The following EXOC4 variants were observed in gnomAD, a reference collection of about 807,000 sequenced individuals.
The protein encoded by EXOC4 is SEC8-like 1.
In EXOC4, 71 loss-of-function variants were observed where a neutral mutation model predicts 107.2. The ratio of observed to expected loss-of-function variants is 0.66; its 90% confidence interval spans 0.55 to 0.81. The LOEUF is 0.81. Ranked by LOEUF, EXOC4 falls within the 30% of genes least tolerant of loss-of-function variation. EXOC4 has a pLI of 0.00. For missense variants in EXOC4, 1,108 were observed against 1,189.6 expected (o/e 0.93, Z 1.01); for synonymous variants, 456 against 441.2 (o/e 1.03, Z -0.42).
intron 5 of EXOC4, among the ~76,000 whole-genome samples, chr7:133,351,820 A>AGC (rs1795917942): frequency 6.6e-6 from 1 of 151,610 alleles, no homozygotes; most frequent in South Asian, 2.1e-4. Context: ...TATAACTATA[A>AGC]ATTTCTCCTT....
chr7:133,562,115 A>G (rs1415618358), intron 9 of EXOC4, among the ~76,000 whole-genome samples: 2 of 152,220 alleles, frequency 1.3e-5, no homozygotes, highest in African/African-American at 4.8e-5. Context: ...CATTTTGCTT[A>G]AAGTTGAAGT....
At chr7:133,321,888 G>A (rs190799374) in intron 5 of EXOC4, among the ~76,000 whole-genome samples, 64 of 152,234 alleles carry the variant, frequency 4.2e-4, no homozygotes, top group African/African-American at 1.3e-3. Flanking sequence ...AGCATCTGTC[G>A]TTTCCTGACT....
chr7:133,899,693 G>A (rs1163018174), intron 12 of EXOC4, among the ~76,000 whole-genome samples: 1 of 149,522 alleles, frequency 6.7e-6, no homozygotes, highest in Non-Finnish European at 1.5e-5. Flanking sequence ...GCTTGGCAGT[G>A]TCCATCTTAA....
chr7:133,334,571 C>CT (rs1363639582), intron 5 of EXOC4, among the ~76,000 whole-genome samples: 1 of 151,914 alleles, frequency 6.6e-6, no homozygotes, highest in African/African-American at 2.4e-5. Flanking sequence ...TTTTTATACT[C>CT]TAAGTTCAGG....
At position 133,347,286 on chromosome 7, in the gene EXOC4, C is replaced by T. The variant is rs369199555; in HGVS notation, c.764-9044C>T. ...TGAGGCAGAGTTTTGCTCTCTTGCC[C>T]AGGCTAGAGTGCAGTGGTGCGATCT... is the stretch of plus-strand genomic sequence containing the variant. On this transcript the variant is annotated intron_variant, in intron 5 of 17. Coordinates refer to ENST00000253861, the MANE Select transcript of EXOC4 (RefSeq NM_021807.4). 8.6e-5 allele frequency among the ~76,000 whole-genome samples: 13 copies of T among 151,222 alleles called. No homozygotes were observed. In the East Asian group the frequency reaches 2.3e-3, roughly 27 times the overall value.
intron 10 of EXOC4, among the ~76,000 whole-genome samples, chr7:133,763,993 A>C (rs1190445389): frequency 6.6e-6 from 1 of 152,024 alleles, no homozygotes; most frequent in Admixed American, 6.6e-5. Context: ...GAAGCATGAA[A>C]GTTTTCTCTT....
At chr7:133,526,034 G>C (rs1469030507) in intron 9 of EXOC4, among the ~76,000 whole-genome samples, 1 of 152,090 alleles carries the variant, frequency 6.6e-6, no homozygotes, top group East Asian at 1.9e-4. Flanking sequence ...TTTCCTAAAG[G>C]GCTGAGTTCC....
intron 7 of EXOC4, among the ~76,000 whole-genome samples, chr7:133,376,051 G>A (rs1796483212): frequency 6.6e-6 from 1 of 152,144 alleles, no homozygotes; most frequent in African/African-American, 2.4e-5. Flanking sequence ...GAAATTACTT[G>A]CATGGCAAAT....
chr7:133,490,673 C>T (rs1219956105), intron 9 of EXOC4, among the ~76,000 whole-genome samples: 1 of 152,106 alleles, frequency 6.6e-6, no homozygotes, highest in Non-Finnish European at 1.5e-5. Flanking sequence ...GATGAAAGTA[C>T]ATCAAAGCTA....
At chr7:133,861,368 A>G (rs1029803466) in intron 11 of EXOC4, among the ~76,000 whole-genome samples, 3 of 152,154 alleles carry the variant, frequency 2.0e-5, no homozygotes, top group African/African-American at 7.2e-5. Context: ...CATGCAATTT[A>G]TCTACATGAC....
intron 12 of EXOC4, among the ~76,000 whole-genome samples, chr7:133,916,037 C>G (rs1799800468): frequency 6.6e-6 from 1 of 152,210 alleles, no homozygotes; most frequent in African/African-American, 2.4e-5. Context: ...TTCCCTACAA[C>G]AGTGGTCCCC....
chr7:133,812,424 A>G (rs547955015), intron 10 of EXOC4, among the ~76,000 whole-genome samples: 21 of 152,194 alleles, frequency 1.4e-4, no homozygotes, highest in African/African-American at 4.8e-4. Flanking sequence ...TCCAGGTCCA[A>G]ACTCTGGAAG....
intron 2 of EXOC4, among the ~76,000 whole-genome samples, chr7:133,278,206 C>T (rs920850518): frequency 7.2e-5 from 11 of 152,146 alleles, no homozygotes; most frequent in African/African-American, 2.7e-4. Flanking sequence ...TAACGTTGAA[C>T]AACATTTATG....
intron 17 of EXOC4, among the ~76,000 whole-genome samples, chr7:134,027,649 T>A (rs2116457632): frequency 1.3e-5 from 1 of 75,700 alleles, no homozygotes; most frequent in African/African-American, 5.8e-5. Context: ...AGAGAGAGAC[T>A]CCATCTCAAA....
At chr7:133,279,965 G>A (rs1794093915) in intron 2 of EXOC4, among the ~76,000 whole-genome samples, 1 of 152,070 alleles carries the variant, frequency 6.6e-6, no homozygotes, top group African/African-American at 2.4e-5. Context: ...ATTAATTATT[G>A]ATTTATTTTA....
intron 7 of EXOC4, among the ~76,000 whole-genome samples, chr7:133,470,736 G>A (rs1161783838): frequency 6.6e-6 from 1 of 152,134 alleles, no homozygotes; most frequent in Non-Finnish European, 1.5e-5. Flanking sequence ...TAGTATCTAA[G>A]ATATGAAGGA....
At chr7:133,258,330 A>G (rs770135209) in intron 1 of EXOC4, among the ~76,000 whole-genome samples, 16 of 151,338 alleles carry the variant, frequency 1.1e-4, no homozygotes, top group Non-Finnish European at 2.4e-4. Flanking sequence ...TGTAGTATTG[A>G]TGGTGGTGGT....
At chr7:133,553,272 A>G (rs1285660916) in intron 9 of EXOC4, among the ~76,000 whole-genome samples, 2 of 152,222 alleles carry the variant, frequency 1.3e-5, no homozygotes, top group Admixed American at 6.5e-5. Flanking sequence ...GACTGCCCCA[A>G]CTAATTCAGG....
At chr7:133,899,913 CTATT>C (rs1799413955) in intron 12 of EXOC4, among the ~76,000 whole-genome samples, 1 of 151,846 alleles carries the variant, frequency 6.6e-6, no homozygotes, top group African/African-American at 2.4e-5. Flanking sequence ...GCCCAACTGT[CTATT>C]TATTTATTTA....
Sources: allele counts gnomAD v4.1 joint callset (sites outside exome capture counted in the v4.1 genomes callset), GRCh38; gene constraint gnomAD v4.1.1; transcripts MANE v1.5; gene names NCBI Gene and HGNC (gene_info 2026-07-23, HGNC 2026-07-21).